FGF12: variants seen among roughly 807,000 people sequenced by gnomAD.
FGF12 encodes the protein fibroblast growth factor 12, also known as fibroblast growth factor 12B.
Under a neutral mutation model 23.6 loss-of-function variants are expected in FGF12, and 14 were observed. The ratio of observed to expected loss-of-function variants is 0.59; its 90% CI spans 0.39 to 0.93. The LOEUF (loss-of-function observed/expected upper bound fraction) is 0.93, where lower values mean the gene tolerates loss of function less well. Ranked by LOEUF, FGF12 falls within the 40% of genes least tolerant of loss-of-function variation. The pLI, the probability that FGF12 is intolerant of heterozygous loss-of-function variation, is 0.00. For missense variants in FGF12, 175 were observed against 217.8 expected (o/e 0.80, Z 1.24); for synonymous variants, 62 against 77.3 (o/e 0.80, Z 1.04).
chr3:192,294,410 G>A (rs745610437), intron 4 of FGF12, among the ~76,000 whole-genome samples: 13 of 152,214 alleles, frequency 8.5e-5, no homozygotes, highest in Admixed American at 2.0e-4. Context: ...CACCTTAGGA[G>A]TTAGGATTTC....
chr3:192,319,854 C>CA (rs1191548827), intron 4 of FGF12, among the ~76,000 whole-genome samples: 1 of 151,186 alleles, frequency 6.6e-6, no homozygotes, highest in African/African-American at 2.4e-5. Flanking sequence ...CAGATACACA[C>CA]AAAAAAATAG....
chr3:192,594,723 C>T (rs1302556625), intron 2 of FGF12, among the ~76,000 whole-genome samples: 1 of 151,870 alleles, frequency 6.6e-6, no homozygotes, highest in East Asian at 1.9e-4. Context: ...GTCCTTTCAC[C>T]ATGTGATATT....
intron 4 of FGF12, among the ~76,000 whole-genome samples, chr3:192,205,488 T>C (rs1717601834): frequency 6.6e-6 from 1 of 152,118 alleles, no homozygotes; most frequent in Non-Finnish European, 1.5e-5. Context: ...GAAGGGAGAA[T>C]ATCCCTCCTG....
intron 2 of FGF12, among the ~76,000 whole-genome samples, chr3:192,592,706 C>T (rs945466819): frequency 5.3e-5 from 8 of 151,736 alleles, no homozygotes; most frequent in Non-Finnish European, 1.0e-4. Context: ...TTCCAGAATT[C>T]CCTCAAATTT....
At chr3:192,483,156 C>T (rs138797598) in intron 2 of FGF12, among the ~76,000 whole-genome samples, 10 of 152,278 alleles carry the variant, frequency 6.6e-5, no homozygotes, top group Non-Finnish European at 1.5e-4. Flanking sequence ...CATATCTTGG[C>T]TCTTGTTATT....
chr3:192,725,246 A>G (rs1415346996), intron 2 of FGF12, among the ~76,000 whole-genome samples: 1 of 152,084 alleles, frequency 6.6e-6, no homozygotes, highest in East Asian at 1.9e-4. Context: ...CTTCATTAAG[A>G]AAGTCCAGGA....
intron 4 of FGF12, among the ~76,000 whole-genome samples, chr3:192,197,120 G>T (rs1717107315): frequency 6.6e-6 from 1 of 152,082 alleles, no homozygotes; most frequent in Non-Finnish European, 1.5e-5. Context: ...CTTAGATTTG[G>T]CCCACCACAA....
At chr3:192,218,198 A>G (rs138702868) in intron 4 of FGF12, among the ~76,000 whole-genome samples, 165 of 152,308 alleles carry the variant, frequency 1.1e-3, no homozygotes, top group Middle Eastern at 6.8e-3. Flanking sequence ...TGAAATTTAT[A>G]AAGATAAATG....
At chr3:192,499,834 C>T (rs1724079609) in intron 2 of FGF12, among the ~76,000 whole-genome samples, 1 of 151,904 alleles carries the variant, frequency 6.6e-6, no homozygotes, top group Admixed American at 6.6e-5. Flanking sequence ...AGGTGTGAGC[C>T]ACCGTGCCCG....
In FGF12 at chr3:192,141,899, T is replaced by C. The variant is rs572007524; in HGVS notation, c.*2110A>G. 1 of 152,062 alleles carries C rather than the reference T, an allele frequency of 6.6e-6. No homozygotes were observed. The highest frequency in any genetic ancestry group is 1.5e-5 in the Non-Finnish European group (1 of 67,804). 9.4% of individuals were successfully genotyped at this position (152,062 alleles called of 1,614,324 possible). A position where few individuals can be genotyped will look rare whatever the true frequency, so the allele number is the denominator to read the frequency against. ...AAGTTTCTTTTTTATTTTTTTCAAA[T>C]AAAATAAGCTTTGTGCTTGGGATTT... is the stretch of plus-strand genomic sequence containing the variant. On this transcript the variant is annotated 3_prime_UTR_variant, in exon 6 of 6. Transcript: ENST00000445105.
intron 2 of FGF12, among the ~76,000 whole-genome samples, chr3:192,533,307 C>T (rs1295057065): frequency 6.6e-6 from 1 of 152,102 alleles, no homozygotes; most frequent in Non-Finnish European, 1.5e-5. Flanking sequence ...CCAGAAACAG[C>T]TGGGGCCGAG....
chr3:192,349,301 A>G (rs983224103), intron 3 of FGF12, among the ~76,000 whole-genome samples: 1 of 152,038 alleles, frequency 6.6e-6, no homozygotes, highest in Admixed American at 6.6e-5. Flanking sequence ...GAGCAAATCA[A>G]CTCTCACTTC....
chr3:192,185,838 G>A (rs1169235892), intron 4 of FGF12, among the ~76,000 whole-genome samples: 4 of 150,540 alleles, frequency 2.7e-5, no homozygotes, highest in Admixed American at 6.6e-5. Flanking sequence ...CAGCCTGGGC[G>A]ACAGAGCGAG....
chr3:192,360,335 T>C lies in FGF12; in HGVS notation c.124+93A>G. On this transcript the variant is annotated intron_variant, in intron 3 of 5. Coordinates refer to ENST00000445105, the MANE Select transcript of FGF12 (RefSeq NM_004113.6). This position sits in a 1 kb window ranked among gnomAD's most constrained non-coding sequence, Gnocchi z 4.3. Reference sequence around the variant, plus strand: ...AGTTAAATAGTTTGAAAGGCATAGTTTGGTAAGGCAGCTTAGCAATGCTTT... The same window carrying C: ...AGTTAAATAGTTTGAAAGGCATAGTCTGGTAAGGCAGCTTAGCAATGCTTT... 1 of 834,930 alleles carries C rather than the reference T, an allele frequency of 1.2e-6. No individual in the cohort carries two copies. Among genetic ancestry groups the C allele is most frequent in the South Asian group, 1.5e-5 (1 of 67,366 alleles). The allele number at this position is 834,930 out of a possible 1,614,324, so 51.7% of individuals were successfully genotyped here.
chr3:192,278,619 A>G (rs1032816750), intron 4 of FGF12, among the ~76,000 whole-genome samples: 4 of 152,210 alleles, frequency 2.6e-5, no homozygotes, highest in African/African-American at 9.6e-5. Context: ...TAAAACTCCA[A>G]TGCAAGAGAA....
chr3:192,435,504 C>T (rs1031935699), intron 2 of FGF12, among the ~76,000 whole-genome samples: 13 of 152,112 alleles, frequency 8.5e-5, no homozygotes, highest in Admixed American at 2.0e-4. Flanking sequence ...GGGAAGTTGG[C>T]GATCCATTTT....
intron 2 of FGF12, among the ~76,000 whole-genome samples, chr3:192,618,402 T>C (rs1288086371): frequency 6.6e-6 from 1 of 152,082 alleles, no homozygotes; most frequent in Non-Finnish European, 1.5e-5. Context: ...ATTAGTGCCA[T>C]TTGATGTAAG....
chr3:192,373,730 T>TG (rs1297539555), intron 2 of FGF12, among the ~76,000 whole-genome samples: 4 of 152,182 alleles, frequency 2.6e-5, no homozygotes, highest in Non-Finnish European at 1.5e-5. Flanking sequence ...GAACTGCCAC[T>TG]GTGACTGATA....
intron 2 of FGF12, among the ~76,000 whole-genome samples, chr3:192,392,908 A>G (rs1720369309): frequency 1.3e-5 from 2 of 152,312 alleles, no homozygotes; most frequent in South Asian, 4.1e-4. Flanking sequence ...TACAATATGA[A>G]GACTCTGTGA....
Sources: allele counts gnomAD v4.1 joint callset (sites outside exome capture counted in the v4.1 genomes callset), GRCh38; gene constraint gnomAD v4.1.1; non-coding constraint Gnocchi (gnomAD v3.1); transcripts MANE v1.5; gene names NCBI Gene and HGNC (gene_info 2026-07-23, HGNC 2026-07-21).